The following SSBP2 variants were observed in gnomAD, a reference collection of about 807,000 sequenced individuals.
The protein encoded by SSBP2 is single-stranded DNA-binding protein 2.
A neutral mutation model predicts 61.8 loss-of-function variants in SSBP2; 17 were observed. That is an observed-to-expected ratio of 0.28 (90% confidence interval 0.19 to 0.41). The LOEUF is 0.41. Ranked by LOEUF, SSBP2 falls within the 10% of genes least tolerant of loss-of-function variation. SSBP2 has a pLI of 1.00. For missense variants in SSBP2, 310 were observed against 458.7 expected, an observed-to-expected ratio of 0.68 and a Z score of 2.96; for synonymous variants, 139 against 141.3, an observed-to-expected ratio of 0.98 and a Z score of 0.12.
chr5:81,422,044 C>T (rs1334061106), intron 16 of SSBP2, among the ~76,000 whole-genome samples: 1 of 151,956 alleles, frequency 6.6e-6, no homozygotes, highest in Non-Finnish European at 1.5e-5. Context: ...ATTTTTTAAA[C>T]GTTTTATTGG....
chr5:81,731,889 G>A (rs1179825691), intron 1 of SSBP2, among the ~76,000 whole-genome samples: 1 of 151,410 alleles, frequency 6.6e-6, no homozygotes, highest in Non-Finnish European at 1.5e-5. Flanking sequence ...GAAATGAAAA[G>A]TTTTATATTC....
chr5:81,750,607 C>T (rs560677550), intron 1 of SSBP2: 1 of 224,248 alleles, frequency 4.5e-6, no homozygotes, highest in African/African-American at 2.4e-5. Flanking sequence ...CCCCTCCCGC[C>T]ACCCCCGGCG....
rs187657083 is a variant in SSBP2, at chr5:81,691,574, A to C, written c.63-41235T>G. 8.6e-5 allele frequency among the ~76,000 whole-genome samples: 13 copies of C among 151,802 alleles called. No homozygotes were observed. In the South Asian group the frequency reaches 2.3e-3, roughly 27 times the overall value. On this transcript the variant is annotated intron_variant, in intron 1 of 16. Coordinates refer to ENST00000320672, the MANE Select transcript of SSBP2 (RefSeq NM_012446.5). ...AATTAATGCTGTAATAAAAAAAAAA[A>C]CTCCCAGCAAAGAAAAGCCCAGGAC...
At chr5:81,595,416 A>G (rs2078131669) in intron 4 of SSBP2, among the ~76,000 whole-genome samples, 2 of 152,186 alleles carry the variant, frequency 1.3e-5, no homozygotes, top group African/African-American at 2.4e-5. Context: ...AGAGGTACAA[A>G]GAGGAGCTGG....
intron 8 of SSBP2, among the ~76,000 whole-genome samples, chr5:81,468,162 C>T (rs536411207): frequency 5.3e-4 from 80 of 152,008 alleles, no homozygotes; most frequent in Non-Finnish European, 1.0e-3. Context: ...TCACTTTCCA[C>T]ACAATAGCCC....
chr5:81,701,825 T>C (rs1225269951), intron 1 of SSBP2, among the ~76,000 whole-genome samples: 1 of 152,222 alleles, frequency 6.6e-6, no homozygotes, highest in African/African-American at 2.4e-5. Flanking sequence ...ATGTACATTA[T>C]AAATCTCTAA....
chr5:81,437,669 C>T lies in SSBP2; in HGVS notation c.929-211G>A, dbSNP rs561251210. The stretch of plus-strand genomic sequence containing the variant: ...AATGCAAGGAGTTCTATCCTTAGTT[C>T]CCAATCGTTTTTTTTTTATGGAAGC... On this transcript the variant is annotated intron_variant, in intron 14 of 16. Transcript: ENST00000320672. The T allele has an allele frequency of 2.1e-4, 78 of 370,260 alleles. No homozygotes were observed. In the Admixed American group the frequency reaches 3.4e-3, roughly 16 times the overall value. The allele number at this position is 370,260 out of a possible 1,614,324, so 22.9% of individuals were successfully genotyped here.
intron 1 of SSBP2, among the ~76,000 whole-genome samples, chr5:81,708,078 T>C (rs1425067240): frequency 6.6e-6 from 1 of 152,164 alleles, no homozygotes; most frequent in Non-Finnish European, 1.5e-5. Context: ...TCCTTATCTG[T>C]TAATTTTTAA....
At chr5:81,600,561 C>CA (rs35204869) in intron 4 of SSBP2, among the ~76,000 whole-genome samples, 24,786 of 87,294 alleles carry the variant, frequency 0.28, 3,748 homozygotes, top group East Asian at 0.64. Flanking sequence ...GACTCTGTCT[C>CA]AAAAAAAAAA....
intron 5 of SSBP2, among the ~76,000 whole-genome samples, chr5:81,495,668 T>C (rs192420903): frequency 1.3e-5 from 2 of 152,304 alleles, no homozygotes; most frequent in Admixed American, 1.3e-4. Context: ...ACTATCTTAA[T>C]GTCAAGATAA....
chr5:81,499,380 T>C (rs947260831), intron 5 of SSBP2, among the ~76,000 whole-genome samples: 6 of 152,190 alleles, frequency 3.9e-5, no homozygotes, highest in Admixed American at 3.3e-4. Context: ...ATGAGCTTTT[T>C]CAAGAAGATG....
In SSBP2 at chr5:81,489,240, TA is replaced by T. The variant is rs1766670192; in HGVS notation, c.432+9del. On this transcript the variant is annotated intron_variant, in intron 6 of 16. Transcript: ENST00000320672. ...TCTTACAAAAAACTTACATAGCACATAAATCTTACCTGATTAGGTATCCTCA... is the reference window on the plus strand; with the variant it reads ...TCTTACAAAAAACTTACATAGCACATAATCTTACCTGATTAGGTATCCTCA... The T allele has an allele frequency of 6.2e-7, 1 of 1,606,294 alleles. No homozygotes were observed. The highest frequency in any genetic ancestry group is 2.2e-5 in the East Asian group (1 of 44,754).
At chr5:81,564,561 C>T (rs754636467) in intron 4 of SSBP2, among the ~76,000 whole-genome samples, 9 of 152,160 alleles carry the variant, frequency 5.9e-5, no homozygotes, top group Non-Finnish European at 1.0e-4. Context: ...GCTGATTAGT[C>T]CAGAAGAAGT....
intron 4 of SSBP2, among the ~76,000 whole-genome samples, chr5:81,526,992 A>C (rs1256286673): frequency 2.0e-5 from 3 of 152,008 alleles, no homozygotes; most frequent in African/African-American, 4.8e-5. Context: ...AGAAAGAAAA[A>C]GTAACGCAAC....
rs552713477 is a variant in SSBP2, at chr5:81,431,246, G to A, written c.958-2563C>T. On this transcript the variant is annotated intron_variant, in intron 15 of 16. Transcript: ENST00000320672. ...ACTCTACTTGCTTCAGCACAAAAGA[G>A]TACAAGATTACTTTTAGATACATTA... is the stretch of plus-strand genomic sequence containing the variant. Among the ~76,000 whole-genome samples, 139 of 152,168 alleles carry A rather than the reference G, an allele frequency of 9.1e-4. 1 individual carries two copies. Among genetic ancestry groups the A allele is most frequent in the African/African-American group, 3.3e-3 (138 of 41,526 alleles).
At chr5:81,735,098 G>C (rs558974986) in intron 1 of SSBP2, among the ~76,000 whole-genome samples, 2 of 151,608 alleles carry the variant, frequency 1.3e-5, no homozygotes, top group Non-Finnish European at 2.9e-5. Context: ...ATTTTGCTTA[G>C]AACAGCAATG....
At chr5:81,445,537 C>G (rs1180542896) in intron 12 of SSBP2, among the ~76,000 whole-genome samples, 3 of 152,042 alleles carry the variant, frequency 2.0e-5, no homozygotes, top group Non-Finnish European at 2.9e-5. Flanking sequence ...ATAATTCTAT[C>G]TTCGATGAAT....
At chr5:81,708,596 A>C (rs1391023162) in intron 1 of SSBP2, among the ~76,000 whole-genome samples, 1 of 152,034 alleles carries the variant, frequency 6.6e-6, no homozygotes, top group Non-Finnish European at 1.5e-5. Context: ...TTTTTATTTT[A>C]TCATTCCCTT....
intron 16 of SSBP2, among the ~76,000 whole-genome samples, chr5:81,424,607 C>G (rs1761837567): frequency 6.6e-6 from 1 of 152,020 alleles, no homozygotes; most frequent in Admixed American, 6.6e-5. Flanking sequence ...ATTTACACTC[C>G]TGAGGCTGTA....
Sources: gnomAD v4.1 joint callset for allele counts (sites outside exome capture counted in the v4.1 genomes callset) on GRCh38, gnomAD v4.1.1 for gene constraint, MANE v1.5 for transcripts, NCBI Gene and HGNC (gene_info 2026-07-23, HGNC 2026-07-21) for gene names.